Variants in PLEKHA7 observed in about 807,000 individuals in gnomAD.
The protein encoded by PLEKHA7 is pleckstrin homology domain-containing family A member 7.
Under a neutral mutation model 170.0 loss-of-function variants are expected in PLEKHA7, and 104 were observed. The observed-to-expected ratio is 0.61, with a 90% CI of 0.52 to 0.72. The LOEUF (loss-of-function observed/expected upper bound fraction) is 0.72, where lower values mean the gene tolerates loss of function less well. PLEKHA7 is among the 30% of genes least tolerant of loss of function. PLEKHA7 has a pLI of 0.00. For synonymous variants in PLEKHA7, 648 were observed against 660.8 expected (o/e 0.98, Z 0.30); for missense variants, 1,615 against 1,671.7 (o/e 0.97, Z 0.59).
chr11:16,824,697 CCTT>C (rs1357876443), intron 10 of PLEKHA7, among the ~76,000 whole-genome samples: 1 of 152,214 alleles, frequency 6.6e-6, no homozygotes, highest in African/African-American at 2.4e-5. Context: ...TAGGCTCTTA[CCTT>C]CTTTGTGAAA....
At position 16,816,830 on chromosome 11, in the gene PLEKHA7, A is replaced by C; in HGVS notation, c.1836T>G (p.Ser612=). The C allele has an allele frequency of 3.7e-6, 6 of 1,614,078 alleles. No individual in the cohort carries two copies. Among genetic ancestry groups the C allele is most frequent in the Non-Finnish European group, 4.2e-6 (5 of 1,180,008 alleles). ...RRSVDISLGD[S]PRRARGHAVK... Reference sequence around the variant, plus strand: ...CAGCGTGGCCCCGTGCCCTCCTTGGAGAATCCCCCAGCGAGATGTCCACAC... The same window carrying C: ...CAGCGTGGCCCCGTGCCCTCCTTGGCGAATCCCCCAGCGAGATGTCCACAC... Residue 612 remains serine, a synonymous_variant, in exon 11 of 27, where the codon TCT becomes TCG. Coordinates refer to ENST00000531066, the MANE Select transcript of PLEKHA7 (RefSeq NM_001329630.2).
chr11:16,777,430 T>C lies in PLEKHA7; in HGVS notation c.*1568A>G, dbSNP rs2134088870. On this transcript the variant is annotated 3_prime_UTR_variant, in exon 27 of 27. Transcript: ENST00000531066. Reference sequence around the variant, plus strand: ...ATAAAGGCAAAAATAAAATTTTATTTTGGCAAATGTCATGAAGTCGATACT... The same window carrying C: ...ATAAAGGCAAAAATAAAATTTTATTCTGGCAAATGTCATGAAGTCGATACT... 1 of 152,358 alleles carries C rather than the reference T, an allele frequency of 6.6e-6. No individual in the cohort carries two copies. The highest frequency in any genetic ancestry group is 1.9e-4 in the East Asian group (1 of 5,188). 9.4% of individuals were successfully genotyped at this position (152,358 alleles called of 1,614,324 possible). A position where few individuals can be genotyped will look rare whatever the true frequency, so the allele number is the denominator to read the frequency against.
chr11:16,914,923 C>T (rs1858525165), intron 3 of PLEKHA7, among the ~76,000 whole-genome samples: 1 of 152,226 alleles, frequency 6.6e-6, no homozygotes, highest in Admixed American at 6.5e-5. Context: ...CTCCAGCATT[C>T]ATGTCTTTGG....
chr11:17,006,575 C>T (rs1212938472), intron 3 of PLEKHA7, among the ~76,000 whole-genome samples: 1 of 148,164 alleles, frequency 6.7e-6, no homozygotes, highest in Non-Finnish European at 1.5e-5. Context: ...TGCAGTGAGC[C>T]GAGATGCCGC....
In PLEKHA7 at chr11:16,835,902, T is replaced by C. The variant is rs530011009; in HGVS notation, c.872+5645A>G. Among the ~76,000 whole-genome samples the C allele has an allele frequency of 1.5e-4, 23 of 152,266 alleles. No homozygotes were observed. The South Asian group carries it at 2.9e-3, about 19-fold the overall frequency. On this transcript the variant is annotated intron_variant, in intron 9 of 26. Transcript: ENST00000531066. ...CCCAGTAAGCCATTTCTGCCCATAG[T>C]CCTCTGCCCATGGATCCCTAACACT...
At chr11:16,964,175 C>T (rs942130941) in intron 3 of PLEKHA7, among the ~76,000 whole-genome samples, 2 of 152,134 alleles carry the variant, frequency 1.3e-5, no homozygotes, top group Non-Finnish European at 2.9e-5. Context: ...CAGTAATATT[C>T]AATTATATGT....
intron 13 of PLEKHA7, among the ~76,000 whole-genome samples, chr11:16,806,785 A>T (rs1462770763): frequency 6.6e-6 from 1 of 152,150 alleles, no homozygotes; most frequent in Non-Finnish European, 1.5e-5. Context: ...TTGGAAGATG[A>T]CCAATAACTG....
intron 26 of PLEKHA7, chr11:16,780,879 G>A (rs1848970608): frequency 1.7e-6 from 1 of 580,192 alleles, no homozygotes; most frequent in Non-Finnish European, 2.2e-6. Context: ...GCAGGGAGGT[G>A]AGGGGCTCAG....
At chr11:16,852,595 T>C (rs1398106438) in intron 6 of PLEKHA7, among the ~76,000 whole-genome samples, 1 of 152,228 alleles carries the variant, frequency 6.6e-6, no homozygotes, top group Non-Finnish European at 1.5e-5. Context: ...TAATATATAA[T>C]ATTATAAGTC....
chr11:16,795,504 A>C lies in PLEKHA7; in HGVS notation c.2410-486T>G, dbSNP rs114900290. Among the ~76,000 whole-genome samples, 473 of 152,274 alleles carry C rather than the reference A, an allele frequency of 3.1e-3. 1 individual carries two copies. Among genetic ancestry groups the C allele is most frequent in the African/African-American group, 0.011 (457 of 41,558 alleles). ...CTGAACTGTATACTTAAAAATAATC[A>C]AGATGAGTCGGGTGCAATGGCTCTT... On this transcript the variant is annotated intron_variant, in intron 17 of 26. Transcript: ENST00000531066.
intron 6 of PLEKHA7, among the ~76,000 whole-genome samples, 199 bp from the exon 7 acceptor site, chr11:16,852,554 G>A (rs1853063495): frequency 6.6e-6 from 1 of 152,108 alleles, no homozygotes; most frequent in Non-Finnish European, 1.5e-5. Flanking sequence ...TAAGAAAGCA[G>A]GGTTTTTATT....
At position 16,889,099 on chromosome 11, in the gene PLEKHA7, C is replaced by T. The variant is rs1202594177; in HGVS notation, c.222-17917G>A. On this transcript the variant is annotated intron_variant, in intron 3 of 26. Coordinates refer to ENST00000531066, the MANE Select transcript of PLEKHA7 (RefSeq NM_001329630.2). ...AAAAACCACAAAAGAAGTAAAACAGCCAGTTCCTGCCTTAACTGATTAACC... is the reference window on the plus strand; with the variant it reads ...AAAAACCACAAAAGAAGTAAAACAGTCAGTTCCTGCCTTAACTGATTAACC... Among the ~76,000 whole-genome samples the T allele has an allele frequency of 2.0e-5, 3 of 151,702 alleles. No individual in the cohort carries two copies. In the East Asian group the frequency reaches 5.8e-4, roughly 29 times the overall value.
At chr11:16,819,717 G>GAC in intron 10 of PLEKHA7, among the ~76,000 whole-genome samples, 1 of 152,296 alleles carries the variant, frequency 6.6e-6, no homozygotes, top group Admixed American at 6.5e-5. Context: ...TACCGTGTAT[G>GAC]ACCTCACTTA....
intron 3 of PLEKHA7, among the ~76,000 whole-genome samples, chr11:17,002,922 A>C (rs1234062019): frequency 6.6e-6 from 1 of 150,562 alleles, no homozygotes; most frequent in East Asian, 2.0e-4. Flanking sequence ...TAACTACTTA[A>C]GAGCAAATAA....
intron 3 of PLEKHA7, among the ~76,000 whole-genome samples, chr11:16,877,164 A>G (rs958039264): frequency 3.9e-5 from 6 of 152,176 alleles, no homozygotes; most frequent in African/African-American, 9.7e-5. Flanking sequence ...TGGTTCCTCA[A>G]TGTGGCTCCC....
chr11:16,817,172 C>G lies in PLEKHA7; in HGVS notation c.1494G>C (p.Ala498=). The change falls in exon 11 of 27, where the codon GCG becomes GCC. Residue 498 remains alanine, a synonymous_variant. Coordinates refer to ENST00000531066, the MANE Select transcript of PLEKHA7 (RefSeq NM_001329630.2). This position sits in a 1 kb window ranked among gnomAD's most constrained non-coding sequence, Gnocchi z 4.4. ...PRNLPSDYKY[A]QDRASHLKMS... ...TCTTCAGGTGGCTGGCTCGGTCCTG[C>G]GCATACTTGTAGTCACTTGGCAGGT... is the stretch of plus-strand genomic sequence containing the variant. The G allele has an allele frequency of 6.2e-7, 1 of 1,614,148 alleles. No individual in the cohort carries two copies. Among genetic ancestry groups the G allele is most frequent in the South Asian group, 1.1e-5 (1 of 91,084 alleles).
At chr11:16,918,836 C>A (rs930833228) in intron 3 of PLEKHA7, among the ~76,000 whole-genome samples, 1 of 152,128 alleles carries the variant, frequency 6.6e-6, no homozygotes, top group African/African-American at 2.4e-5. Flanking sequence ...CAAATGATGA[C>A]TTTGATGTTC....
chr11:16,786,833 A>G, intron 23 of PLEKHA7: 1 of 985,394 alleles, frequency 1.0e-6, no homozygotes, highest in Non-Finnish European at 1.2e-6. Flanking sequence ...AGAATAACCA[A>G]GGATCTTTCT....
chr11:16,922,831 A>T (rs774283099), intron 3 of PLEKHA7, among the ~76,000 whole-genome samples: 8 of 152,218 alleles, frequency 5.3e-5, no homozygotes, highest in African/African-American at 1.4e-4. Context: ...GAGCTGGTGC[A>T]GAGGAGAGAC....
Sources: gnomAD v4.1 joint callset for allele counts (sites outside exome capture counted in the v4.1 genomes callset) on GRCh38, gnomAD v4.1.1 for gene constraint, Gnocchi (gnomAD v3.1) non-coding constraint, MANE v1.5 for transcripts, NCBI Gene and HGNC (gene_info 2026-07-23, HGNC 2026-07-21) for gene names.